The following ENOX1 variants were observed in gnomAD, a reference collection of about 807,000 sequenced individuals.
ENOX1 encodes the protein ecto-NOX disulfide-thiol exchanger 1.
In ENOX1, 42 loss-of-function variants were observed where a neutral mutation model predicts 82.5. The observed-to-expected ratio is 0.51, with a 90% CI of 0.40 to 0.66. ENOX1 has a LOEUF of 0.66. Among genes scored for constraint, ENOX1 ranks in the 30% least tolerant of loss-of-function variants. ENOX1 has a pLI of 0.00. For synonymous variants in ENOX1, 271 were observed against 282.2 expected (o/e 0.96, Z 0.40); for missense variants, 608 against 811.6 (o/e 0.75, Z 3.05).
chr13:43,702,307 A>G (rs1175167004), intron 1 of ENOX1, among the ~76,000 whole-genome samples: 1 of 152,222 alleles, frequency 6.6e-6, no homozygotes, highest in Admixed American at 6.5e-5. Context: ...TTCCAAAACA[A>G]ATTAAAAGGC....
chr13:43,571,096 T>C (rs1380247808), intron 2 of ENOX1, among the ~76,000 whole-genome samples: 1 of 152,160 alleles, frequency 6.6e-6, no homozygotes, highest in Non-Finnish European at 1.5e-5. Flanking sequence ...CTTCCTCCCT[T>C]AAATTCATAA....
At chr13:43,498,540 T>A (rs2076870865) in intron 2 of ENOX1, among the ~76,000 whole-genome samples, 1 of 151,894 alleles carries the variant, frequency 6.6e-6, no homozygotes. Context: ...AAAATAATGA[T>A]CCATGAGTTC....
intron 2 of ENOX1, among the ~76,000 whole-genome samples, chr13:43,622,373 G>A (rs2082773928): frequency 6.6e-6 from 1 of 152,170 alleles, no homozygotes. Flanking sequence ...CATTTGGGTA[G>A]GCTCTGTCAG....
intron 3 of ENOX1, among the ~76,000 whole-genome samples, chr13:43,430,866 G>A (rs1234172174): frequency 6.6e-6 from 1 of 152,170 alleles, no homozygotes; most frequent in Non-Finnish European, 1.5e-5. Flanking sequence ...TGGATGCCAA[G>A]GCAACTCAAA....
chr13:43,684,891 C>CA (rs1379644465), intron 1 of ENOX1, among the ~76,000 whole-genome samples: 10 of 151,464 alleles, frequency 6.6e-5, no homozygotes, highest in East Asian at 1.9e-4. Flanking sequence ...TCAGTCAAAT[C>CA]AAAAAAAATA....
chr13:43,298,371 T>C lies in ENOX1; in HGVS notation c.1421A>G (p.Gln474Arg). ...CTGCTGCATGCCTTGCATGGTTTGC[T>C]GCAGAAACTGCAGTTGCTGGTCCTT... Reference protein sequence around the residue: ...LTKDQQLQFLQQTMQGMQQQL... With the variant: ...LTKDQQLQFLRQTMQGMQQQL... The change falls in exon 12 of 17, where the codon CAG (glutamine) becomes CGG (arginine). Residue 474 changes from glutamine to arginine, a missense_variant. By Grantham distance (43) the Gln-to-Arg change is conservative (BLOSUM62 1). Transcript: ENST00000690772. 6.2e-7 allele frequency: 1 copy of C among 1,613,620 alleles called. No individual in the cohort carries two copies. The highest frequency in any genetic ancestry group is 8.5e-7 in the Non-Finnish European group (1 of 1,179,904).
intron 1 of ENOX1, among the ~76,000 whole-genome samples, chr13:43,687,295 T>G (rs2086125109): frequency 6.6e-6 from 1 of 152,202 alleles, no homozygotes; most frequent in Non-Finnish European, 1.5e-5. Flanking sequence ...ACAAAAGTAA[T>G]GTTCTTTTTC....
intron 9 of ENOX1, among the ~76,000 whole-genome samples, chr13:43,333,562 C>T (rs566708993): frequency 6.6e-6 from 1 of 152,290 alleles, no homozygotes; most frequent in South Asian, 2.1e-4. Context: ...AAACGGCAAC[C>T]CTGATCTCCT....
chr13:43,714,925 T>G (rs1010179249), intron 1 of ENOX1, among the ~76,000 whole-genome samples: 2 of 152,304 alleles, frequency 1.3e-5, no homozygotes, highest in East Asian at 3.9e-4. Context: ...AAGTTAATAT[T>G]GTTATATGTT....
chr13:43,354,289 G>A (rs1294849274), intron 8 of ENOX1, among the ~76,000 whole-genome samples: 1 of 152,176 alleles, frequency 6.6e-6, no homozygotes, highest in Non-Finnish European at 1.5e-5. Flanking sequence ...CACAGCCATG[G>A]CCTATGTATT....
At chr13:43,640,008 A>G (rs35524350) in intron 2 of ENOX1, among the ~76,000 whole-genome samples, 37,173 of 152,144 alleles carry the variant, frequency 0.24, 5,041 homozygotes, top group Non-Finnish European at 0.32. Context: ...CAGCCTGGGC[A>G]ACAGAGCAAG....
At chr13:43,590,933 C>G (rs533949555) in intron 2 of ENOX1, among the ~76,000 whole-genome samples, 36 of 152,096 alleles carry the variant, frequency 2.4e-4, no homozygotes, top group African/African-American at 7.5e-4. Context: ...ACCAGGAAAA[C>G]ATAAATTTAA....
At chr13:43,630,421 C>T (rs763664090) in intron 2 of ENOX1, among the ~76,000 whole-genome samples, 1 of 152,110 alleles carries the variant, frequency 6.6e-6, no homozygotes, top group Non-Finnish European at 1.5e-5. Flanking sequence ...ACAGCAGTAA[C>T]TAGGAATCCC....
chr13:43,520,456 T>C (rs377289350), intron 2 of ENOX1, among the ~76,000 whole-genome samples: 3 of 152,342 alleles, frequency 2.0e-5, no homozygotes, highest in South Asian at 2.1e-4. Flanking sequence ...ATGTTTTATT[T>C]AAATTCTTAA....
chr13:43,679,913 C>A (rs576655134), intron 1 of ENOX1, among the ~76,000 whole-genome samples: 27 of 152,354 alleles, frequency 1.8e-4, no homozygotes, highest in African/African-American at 6.5e-4. Context: ...CAAGAGTAGA[C>A]ATATTGACCT....
chr13:43,479,981 G>A (rs1010823563), intron 3 of ENOX1, among the ~76,000 whole-genome samples: 5 of 151,346 alleles, frequency 3.3e-5, no homozygotes, highest in African/African-American at 9.7e-5. Flanking sequence ...TGCTGCCCAG[G>A]CTGGAGTGCA....
At chr13:43,660,367 C>T (rs1457564758) in intron 2 of ENOX1, among the ~76,000 whole-genome samples, 1 of 152,108 alleles carries the variant, frequency 6.6e-6, no homozygotes, top group Non-Finnish European at 1.5e-5. Context: ...ATGTATTTAT[C>T]CTTAATCTGA....
In ENOX1 at chr13:43,772,749, T is replaced by TAAAAAA. The variant is rs35359203; in HGVS notation, c.-285+13897_-285+13902dup. ...GGGCGACAGAGCAAGACTCTGTCTT[T>TAAAAAA]AAAAAAAAAAAAAAAAAAAAAAGAA... On this transcript the variant is annotated intron_variant, in intron 1 of 16. Coordinates refer to ENST00000690772, the MANE Select transcript of ENOX1 (RefSeq NM_001347969.2). Among the ~76,000 whole-genome samples, 1,012 of 112,046 alleles carry TAAAAAA rather than the reference T, an allele frequency of 9.0e-3. 13 individuals are homozygous for TAAAAAA. The highest frequency in any genetic ancestry group is 0.031 in the African/African-American group (794 of 25,892). The allele number at this position is 112,046 out of a possible 152,430, so 73.5% of individuals were successfully genotyped here.
intron 5 of ENOX1, among the ~76,000 whole-genome samples, chr13:43,391,766 C>T (rs928332931): frequency 6.6e-6 from 1 of 152,188 alleles, no homozygotes; most frequent in African/African-American, 2.4e-5. Context: ...ACATGTGTGG[C>T]CTCTTAACTG....
Sources: allele counts gnomAD v4.1 joint callset (sites outside exome capture counted in the v4.1 genomes callset), GRCh38; gene constraint gnomAD v4.1.1; transcripts MANE v1.5; gene names NCBI Gene and HGNC (gene_info 2026-07-23, HGNC 2026-07-21).